The following IL36G variants were observed in gnomAD, a reference collection of about 807,000 sequenced individuals.
The protein encoded by IL36G is interleukin 36 gamma, also known as interleukin-36 gamma.
IL36G carries 10 observed loss-of-function variants against 13.5 expected under a neutral mutation model. The observed-to-expected ratio is 0.74, with a 90% confidence interval of 0.46 to 1.26. The LOEUF (loss-of-function observed/expected upper bound fraction) is 1.26, where lower values mean the gene tolerates loss of function less well. IL36G is among the 50% of genes most tolerant of loss of function. IL36G has a pLI of 0.00. For missense variants in IL36G, 199 were observed against 203.0 expected (o/e 0.98, Z 0.12); for synonymous variants, 84 against 74.0 (o/e 1.13, Z -0.69).
chr2:112,983,696 G>C (rs1004296889), intron 4 of IL36G, among the ~76,000 whole-genome samples: 1 of 152,170 alleles, frequency 6.6e-6, no homozygotes, highest in African/African-American at 2.4e-5. Flanking sequence ...CAGCAGGTAG[G>C]CAGGAGCTGG....
chr2:112,983,926 A>G (rs1304293350), intron 4 of IL36G, among the ~76,000 whole-genome samples: 1 of 152,168 alleles, frequency 6.6e-6, no homozygotes, highest in Admixed American at 6.5e-5. Context: ...ATTGGGGTTG[A>G]TGCCATGTGT....
chr2:112,984,764 T>G, intron 4 of IL36G, 76 bp from the exon 5 acceptor site: 4 of 1,229,376 alleles, frequency 3.3e-6, no homozygotes, highest in Non-Finnish European at 4.7e-6. Context: ...GAACATTTAT[T>G]GAATTATTAT....
At chr2:112,982,869 A>G (rs1684288573) in intron 4 of IL36G, among the ~76,000 whole-genome samples, 2 of 152,172 alleles carry the variant, frequency 1.3e-5, no homozygotes, top group African/African-American at 4.8e-5. Context: ...CAAGAAAGGG[A>G]TCAGAGACAG....
chr2:112,979,128 C>T, intron 2 of IL36G, 93 bp from the exon 3 acceptor site: 8 of 765,518 alleles, frequency 1.0e-5, no homozygotes, highest in Non-Finnish European at 1.4e-5. Flanking sequence ...ACCTTCCTTA[C>T]AAAATGGCCT....
At position 112,978,425 on chromosome 2, in the gene IL36G, A is replaced by G. The variant is rs1001999674; in HGVS notation, c.-19-195A>G. Among the ~76,000 whole-genome samples, 3 of 152,120 alleles carry G rather than the reference A, an allele frequency of 2.0e-5. No individual in the cohort carries two copies. The South Asian group carries it at 6.2e-4, about 32-fold the overall frequency. Reference sequence around the variant, plus strand: ...CTATCTGGATCTCCAGGTGGAGGAAAATTCTACCTGTTCTCCCTTTGCTGA... The same window carrying G: ...CTATCTGGATCTCCAGGTGGAGGAAGATTCTACCTGTTCTCCCTTTGCTGA... On this transcript the variant is annotated intron_variant, in intron 1 of 4. Coordinates refer to ENST00000259205, the MANE Select transcript of IL36G (RefSeq NM_019618.4).
intron 1 of IL36G, among the ~76,000 whole-genome samples, chr2:112,978,416 G>A (rs1558816930): frequency 1.3e-5 from 2 of 152,314 alleles, no homozygotes; most frequent in East Asian, 3.9e-4. Flanking sequence ...GGATCTCCAG[G>A]TGGAGGAAAA....
In IL36G at chr2:112,984,904, C is replaced by T; in HGVS notation, c.365C>T (p.Ala122Val). The part of the protein sequence containing the change: ...EPVKPFLFYR[A>V]KTGRTSTLES... Reference sequence around the variant, plus strand: ...GTGAAACCCTTCCTTTTCTACCGTGCCAAGACTGGTAGGACCTCCACCCTT... The same window carrying T: ...GTGAAACCCTTCCTTTTCTACCGTGTCAAGACTGGTAGGACCTCCACCCTT... Residue 122 changes from alanine (A) to valine (V), a missense_variant, in exon 5 of 5, where the codon GCC (alanine) becomes GTC (valine). Coordinates refer to ENST00000259205, the MANE Select transcript of IL36G (RefSeq NM_019618.4). 6 of 1,614,104 alleles carry T rather than the reference C, an allele frequency of 3.7e-6. 1 individual carries two copies. In the South Asian group the frequency reaches 5.5e-5, roughly 15 times the overall value.
In IL36G at chr2:112,979,280, G is replaced by T; in HGVS notation, c.115G>T (p.Gly39Cys). 1.2e-6 allele frequency: 2 copies of T among 1,613,616 alleles called. No individual in the cohort carries two copies. Among genetic ancestry groups the T allele is most frequent in the Middle Eastern group, 1.7e-4 (1 of 6,060 alleles). ...GAATCAGCAAGTGTGGACCCTTCAG[G>T]GTCAGAACCTTGTGGCAGTTCCACG... is the stretch of plus-strand genomic sequence containing the variant. ...DLNQQVWTLQ[G>C]QNLVAVPRSD... Residue 39 changes from glycine to cysteine, a missense_variant, in exon 3 of 5, where the codon GGT (glycine) becomes TGT (cysteine). Transcript: ENST00000259205.
chr2:112,983,703 C>G (rs112287680), intron 4 of IL36G, among the ~76,000 whole-genome samples: 6 of 152,252 alleles, frequency 3.9e-5, no homozygotes, highest in South Asian at 2.1e-4. Context: ...TAGGCAGGAG[C>G]TGGGTGGCGT....
In IL36G at chr2:112,985,380, A is replaced by C. The variant is rs976966178; in HGVS notation, c.*331A>C. Reference sequence around the variant, plus strand: ...AGGGGTGGGTATGAAGATGCTTCAGAGCTCATGCGCGTTACCCACGATGGC... The same window carrying C: ...AGGGGTGGGTATGAAGATGCTTCAGCGCTCATGCGCGTTACCCACGATGGC... On this transcript the variant is annotated 3_prime_UTR_variant, in exon 5 of 5. Transcript: ENST00000259205. 8 of 290,800 alleles carry C rather than the reference A, an allele frequency of 2.8e-5. 1 individual carries two copies. The South Asian group carries it at 3.7e-4, about 13-fold the overall frequency. 18.0% of individuals were successfully genotyped at this position (290,800 alleles called of 1,614,324 possible). A position where few individuals can be genotyped will look rare whatever the true frequency, so the allele number is the denominator to read the frequency against.
intron 4 of IL36G, among the ~76,000 whole-genome samples, chr2:112,984,538 C>A (rs1684319860): frequency 6.6e-6 from 1 of 152,132 alleles, no homozygotes; most frequent in Non-Finnish European, 1.5e-5. Context: ...TCCTAAGGGT[C>A]ACCTCAGCCT....
Position 112,984,820 on chromosome 2 carries a change from T to C in IL36G, c.301-20T>C, listed in dbSNP as rs1684324447. 4 of 1,592,508 alleles carry C rather than the reference T, an allele frequency of 2.5e-6. No individual in the cohort carries two copies. The highest frequency in any genetic ancestry group is 3.4e-6 in the Non-Finnish European group (4 of 1,160,644). ...AACAGCTTCTGTTTCTCCTAATGGG[T>C]ACTTGTTCTGACATTTCAGGAGCAG... On this transcript the variant is annotated intron_variant, in intron 4 of 4. Coordinates refer to ENST00000259205, the MANE Select transcript of IL36G (RefSeq NM_019618.4).
chr2:112,983,036 G>A (rs535669310), intron 4 of IL36G, among the ~76,000 whole-genome samples: 27 of 152,340 alleles, frequency 1.8e-4, no homozygotes, highest in Middle Eastern at 3.4e-3. Flanking sequence ...TGGAGCACAA[G>A]AGAGCAGGGA....
At chr2:112,982,569 C>G (rs1573342619) in intron 4 of IL36G, among the ~76,000 whole-genome samples, 1 of 152,094 alleles carries the variant, frequency 6.6e-6, no homozygotes, top group East Asian at 1.9e-4. Context: ...ATTTGATGGG[C>G]CAGGAGATAG....
chr2:112,983,465 C>T (rs553708029), intron 4 of IL36G, among the ~76,000 whole-genome samples: 66 of 152,156 alleles, frequency 4.3e-4, no homozygotes, highest in African/African-American at 1.2e-3. Context: ...GATTCCAAAC[C>T]GATTTTGGCT....
In IL36G at chr2:112,979,466, C is replaced by G. The variant is rs923728401; in HGVS notation, c.160+141C>G. Reference sequence around the variant, plus strand: ...TTCACACCTAATTGGGAAGAGAAGTCAGGGAGAACTTTGGGTTCCACTAAG... The same window carrying G: ...TTCACACCTAATTGGGAAGAGAAGTGAGGGAGAACTTTGGGTTCCACTAAG... On this transcript the variant is annotated intron_variant, in intron 3 of 4. Transcript: ENST00000259205. 7 of 607,928 alleles carry G rather than the reference C, an allele frequency of 1.2e-5. No individual in the cohort carries two copies. The Admixed American group carries it at 2.1e-4, about 18-fold the overall frequency. 37.7% of individuals were successfully genotyped at this position (607,928 alleles called of 1,614,324 possible).
In IL36G at chr2:112,978,006, A is replaced by G. The variant is rs1684193847; in HGVS notation, c.-92A>G. 1 of 152,668 alleles carries G rather than the reference A, an allele frequency of 6.6e-6. No homozygotes were observed. Among genetic ancestry groups the G allele is most frequent in the South Asian group, 2.1e-4 (1 of 4,836 alleles). The allele number at this position is 152,668 out of a possible 1,614,324, so 9.5% of individuals were successfully genotyped here. On this transcript the variant is annotated 5_prime_UTR_variant, in exon 1 of 5. Transcript: ENST00000259205. ...AATGATCCAGGCTCCATTAGAACCC[A>G]TCACTGACCTTGGAAGCTGCTGGAG...
In IL36G at chr2:112,985,043, T is replaced by C; in HGVS notation, c.504T>C (p.Asn168=). ...SYNTAFELNI[N]D is the part of the protein sequence containing the mutation. ...ACACTGCCTTTGAATTAAATATAAA[T>C]GACTGAACTCAGCCTAGAGGTGGCA... The change falls in exon 5 of 5, where the codon AAT becomes AAC. Residue 168 remains asparagine (N), a synonymous_variant. Coordinates refer to ENST00000259205, the MANE Select transcript of IL36G (RefSeq NM_019618.4). The C allele has an allele frequency of 6.2e-7, 1 of 1,611,864 alleles. No individual in the cohort carries two copies. Among genetic ancestry groups the C allele is most frequent in the Non-Finnish European group, 8.5e-7 (1 of 1,178,136 alleles).
Position 112,979,281 on chromosome 2 carries a change from G to T in IL36G, c.116G>T (p.Gly39Val), listed in dbSNP as rs747386076. 6.2e-6 allele frequency: 10 copies of T among 1,613,690 alleles called. No individual in the cohort carries two copies. The highest frequency in any genetic ancestry group is 2.2e-5 in the South Asian group (2 of 91,074). The change falls in exon 3 of 5, where the codon GGT becomes GTT. Residue 39 changes from glycine (G) to valine (V), a missense_variant. Coordinates refer to ENST00000259205, the MANE Select transcript of IL36G (RefSeq NM_019618.4). Reference protein sequence around the residue: ...DLNQQVWTLQGQNLVAVPRSD... With the variant: ...DLNQQVWTLQVQNLVAVPRSD... ...AATCAGCAAGTGTGGACCCTTCAGG[G>T]TCAGAACCTTGTGGCAGTTCCACGA...
Sources: gnomAD v4.1 joint callset for allele counts (sites outside exome capture counted in the v4.1 genomes callset) on GRCh38, gnomAD v4.1.1 for gene constraint, MANE v1.5 for transcripts, NCBI Gene and HGNC (gene_info 2026-07-23, HGNC 2026-07-21) for gene names.